CSMD1: variants seen among roughly 807,000 people sequenced by gnomAD.
The protein encoded by CSMD1 is CUB and sushi domain-containing protein 1.
CSMD1 carries 213 observed loss-of-function variants against 417.5 expected under a neutral mutation model. The observed-to-expected ratio is 0.51, with a 90% CI of 0.46 to 0.57. The LOEUF is 0.57. CSMD1 is among the 20% of genes least tolerant of loss of function. The probability of loss-of-function intolerance (pLI) is 0.00; values close to 1 mark genes in which losing one functional copy is unlikely to be tolerated. For missense variants in CSMD1, 6,923 were observed against 4,529.7 expected (o/e 1.53, Z -15.17); for synonymous variants, 2,862 against 1,736.8 (o/e 1.65, Z -16.11).
At chr8:4,932,797 G>C (rs967902504) in intron 1 of CSMD1, among the ~76,000 whole-genome samples, 4 of 152,132 alleles carry the variant, frequency 2.6e-5, no homozygotes, top group African/African-American at 7.2e-5. Context: ...ATATTCAATA[G>C]AGTTTTACCC....
chr8:2,978,836 C>T (rs779427956), intron 54 of CSMD1, 36 bp from the exon 55 acceptor site: 160 of 1,528,216 alleles, frequency 1.0e-4, no homozygotes, highest in Non-Finnish European at 1.4e-4. Flanking sequence ...CATTTAGAAA[C>T]AGCTAGAAAT....
At chr8:3,976,513 G>C (rs533067913) in intron 5 of CSMD1, among the ~76,000 whole-genome samples, 2 of 152,060 alleles carry the variant, frequency 1.3e-5, no homozygotes, top group Non-Finnish European at 2.9e-5. Context: ...AATATTTGTT[G>C]AATAGTCAAA....
At chr8:4,800,656 G>T (rs186597798) in intron 1 of CSMD1, among the ~76,000 whole-genome samples, 6 of 152,300 alleles carry the variant, frequency 3.9e-5, no homozygotes, top group Admixed American at 2.6e-4. Context: ...GGGGGCTGTG[G>T]AGCCTCAGAG....
At chr8:2,992,121 G>A (rs1806438992) in intron 54 of CSMD1, among the ~76,000 whole-genome samples, 1 of 152,068 alleles carries the variant, frequency 6.6e-6, no homozygotes, top group Admixed American at 6.6e-5. Context: ...TGCATGAATA[G>A]TACATATGCA....
At chr8:4,315,998 C>G (rs181814893) in intron 3 of CSMD1, among the ~76,000 whole-genome samples, 8 of 152,044 alleles carry the variant, frequency 5.3e-5, no homozygotes, top group African/African-American at 1.9e-4. Context: ...ATTCTTTTTT[C>G]TTTCCTTTAA....
At chr8:3,509,186 T>C (rs566094078) in intron 10 of CSMD1, among the ~76,000 whole-genome samples, 4 of 152,314 alleles carry the variant, frequency 2.6e-5, no homozygotes, top group African/African-American at 9.6e-5. Context: ...AAGAAAGTGA[T>C]TGGTTTCGGA....
chr8:4,705,117 C>G (rs1807841417), intron 1 of CSMD1, among the ~76,000 whole-genome samples: 1 of 152,142 alleles, frequency 6.6e-6, no homozygotes, highest in African/African-American at 2.4e-5. Context: ...CCTTCACCCT[C>G]TGTCTCTCCT....
At chr8:4,878,239 A>G (rs1406464588) in intron 1 of CSMD1, among the ~76,000 whole-genome samples, 2 of 152,084 alleles carry the variant, frequency 1.3e-5, no homozygotes, top group African/African-American at 4.8e-5. Flanking sequence ...AGAAAGGGTC[A>G]GGGAAGGAAA....
At chr8:3,028,133 G>A (rs1810081621) in intron 51 of CSMD1, among the ~76,000 whole-genome samples, 3 of 152,176 alleles carry the variant, frequency 2.0e-5, no homozygotes, top group Admixed American at 2.0e-4. Flanking sequence ...AACCCCACCT[G>A]GAAGAAATTA....
intron 22 of CSMD1, among the ~76,000 whole-genome samples, chr8:3,344,054 G>A (rs1273314720): frequency 6.6e-6 from 1 of 152,106 alleles, no homozygotes; most frequent in Non-Finnish European, 1.5e-5. Flanking sequence ...TCTGTATGTG[G>A]CATTATCTTC....
chr8:3,267,964 G>C (rs1007984828), intron 26 of CSMD1, among the ~76,000 whole-genome samples: 11 of 152,130 alleles, frequency 7.2e-5, no homozygotes, highest in African/African-American at 2.4e-4. Context: ...GAGGGGAACA[G>C]GATTCCATGA....
At chr8:4,078,736 C>G (rs1047445525) in intron 3 of CSMD1, among the ~76,000 whole-genome samples, 5 of 150,042 alleles carry the variant, frequency 3.3e-5, no homozygotes, top group African/African-American at 4.9e-5. Flanking sequence ...TTAAGGCAAC[C>G]CTTGTATTTA....
At chr8:3,376,630 C>T (rs990792696) in intron 18 of CSMD1, among the ~76,000 whole-genome samples, 6 of 151,682 alleles carry the variant, frequency 4.0e-5, no homozygotes, top group African/African-American at 7.3e-5. Flanking sequence ...GTTTTCTTTG[C>T]GTTTGTCTTT....
rs76313218 is a variant in CSMD1 at position 4,065,514 on chromosome 8, A to T, written c.416-33415T>A. Among the ~76,000 whole-genome samples, 547 of 152,200 alleles carry T rather than the reference A, an allele frequency of 3.6e-3. 2 individuals carry two copies. The highest frequency in any genetic ancestry group is 0.013 in the African/African-American group (531 of 41,538). ...AAGGTCATGACACTGATTCAAAGTG[A>T]AGTTACGGTATCAAGAAACTGTATG... On this transcript the variant is annotated intron_variant, in intron 3 of 69. Transcript: ENST00000635120.
chr8:4,436,276 T>C (rs1173916237), intron 2 of CSMD1, among the ~76,000 whole-genome samples: 2 of 152,184 alleles, frequency 1.3e-5, no homozygotes, highest in African/African-American at 4.8e-5. Flanking sequence ...AATACCCACC[T>C]TGTATTGTGG....
chr8:3,890,519 G>C (rs374168115), intron 5 of CSMD1, among the ~76,000 whole-genome samples: 1 of 151,926 alleles, frequency 6.6e-6, no homozygotes, highest in African/African-American at 2.4e-5. Flanking sequence ...TGCAGGACTC[G>C]GTGGGGAACA....
At chr8:4,350,620 G>C (rs1424325713) in intron 3 of CSMD1, among the ~76,000 whole-genome samples, 2 of 152,222 alleles carry the variant, frequency 1.3e-5, no homozygotes, top group Non-Finnish European at 2.9e-5. Flanking sequence ...AACTGACCTG[G>C]GCAATGGGCT....
chr8:3,744,516 AAAT>A (rs1796972088), intron 6 of CSMD1, among the ~76,000 whole-genome samples: 2 of 152,106 alleles, frequency 1.3e-5, no homozygotes, highest in African/African-American at 2.4e-5. Flanking sequence ...TAAATAAATA[AAAT>A]AGATCCAAAG....
chr8:4,914,257 G>A (rs1003176963), intron 1 of CSMD1, among the ~76,000 whole-genome samples: 8 of 152,214 alleles, frequency 5.3e-5, no homozygotes, highest in South Asian at 2.1e-4. Context: ...AGTGTGCAGA[G>A]GAAATAGAAA....
Sources: allele counts gnomAD v4.1 joint callset (sites outside exome capture counted in the v4.1 genomes callset), GRCh38; gene constraint gnomAD v4.1.1; transcripts MANE v1.5; gene names NCBI Gene and HGNC (gene_info 2026-07-23, HGNC 2026-07-21).